PARD3B: variants seen among roughly 807,000 people sequenced by gnomAD.
The protein encoded by PARD3B is par-3 family cell polarity regulator beta, also known as partitioning defective 3 homolog B.
A neutral mutation model predicts 130.2 loss-of-function variants in PARD3B; 103 were observed. The observed-to-expected ratio is 0.79, with a 90% CI of 0.67 to 0.93. The LOEUF is 0.93. Ranked by LOEUF, PARD3B falls within the 40% of genes least tolerant of loss-of-function variation. PARD3B has a pLI of 0.00. For synonymous variants in PARD3B, 583 were observed against 553.2 expected, an observed-to-expected ratio of 1.05 and a Z score of -0.76; for missense variants, 1,609 against 1,499.2, an observed-to-expected ratio of 1.07 and a Z score of -1.21.
At position 205,392,634 on chromosome 2, in the gene PARD3B, T is replaced by C. The variant is rs115971557; in HGVS notation, c.2631-8379T>C. 9.5e-3 allele frequency among the ~76,000 whole-genome samples: 1,454 copies of C among 152,314 alleles called. 26 individuals carry two copies. The highest frequency in any genetic ancestry group is 0.032 in the African/African-American group (1,349 of 41,558). On this transcript the variant is annotated intron_variant, in intron 18 of 22. Transcript: ENST00000406610. ...AGGAAGATTTTTAATATTGAGTTTG[T>C]CGTTCGTTATTAAAGCATCAACTCA... is the stretch of plus-strand genomic sequence containing the variant.
intron 1 of PARD3B, among the ~76,000 whole-genome samples, chr2:204,641,529 A>C (rs2035076549): frequency 6.6e-6 from 1 of 152,174 alleles, no homozygotes; most frequent in African/African-American, 2.4e-5. Context: ...TGTTGTAAAT[A>C]AAAACTGGAA....
At chr2:205,029,815 G>T (rs1181658316) in intron 3 of PARD3B, among the ~76,000 whole-genome samples, 2 of 152,106 alleles carry the variant, frequency 1.3e-5, no homozygotes, top group Admixed American at 1.3e-4. Flanking sequence ...AAACAGAAGG[G>T]CTGTGGAAGT....
chr2:205,034,888 G>C (rs2125372113), intron 3 of PARD3B, among the ~76,000 whole-genome samples: 1 of 151,958 alleles, frequency 6.6e-6, no homozygotes, highest in South Asian at 2.1e-4. Context: ...ATGAAATCTT[G>C]CTCTGTCACC....
At chr2:205,115,630 G>T (rs559986220) in intron 6 of PARD3B, among the ~76,000 whole-genome samples, 1 of 152,154 alleles carries the variant, frequency 6.6e-6, no homozygotes, top group Admixed American at 6.5e-5. Flanking sequence ...CATTAAAAAT[G>T]CTATGGAAGT....
intron 2 of PARD3B, among the ~76,000 whole-genome samples, chr2:204,846,652 G>T (rs2044473005): frequency 6.7e-6 from 1 of 150,270 alleles, no homozygotes; most frequent in South Asian, 2.1e-4. Flanking sequence ...AGCTATGTGT[G>T]TACAAGTACA....
intron 15 of PARD3B, among the ~76,000 whole-genome samples, chr2:205,196,523 G>T (rs10804146): frequency 6.6e-6 from 1 of 151,766 alleles, no homozygotes; most frequent in African/African-American, 2.4e-5. Context: ...CATAAAAAAG[G>T]TTTCAGTCTT....
chr2:205,025,656 T>C (rs1202087639), intron 3 of PARD3B, among the ~76,000 whole-genome samples: 1 of 152,122 alleles, frequency 6.6e-6, no homozygotes, highest in Admixed American at 6.6e-5. Flanking sequence ...TCTGTTTTTC[T>C]GTATACGTGG....
chr2:205,153,772 C>T (rs900816136), intron 10 of PARD3B, among the ~76,000 whole-genome samples: 5 of 152,050 alleles, frequency 3.3e-5, no homozygotes, highest in Non-Finnish European at 7.4e-5. Flanking sequence ...CTTCAACAAA[C>T]CTGACAAAAA....
chr2:204,857,741 C>T (rs1056284782), intron 2 of PARD3B, among the ~76,000 whole-genome samples: 1 of 152,114 alleles, frequency 6.6e-6, no homozygotes, highest in Non-Finnish European at 1.5e-5. Context: ...AGGAAGAACA[C>T]TTCTGGGGAG....
chr2:204,847,870 T>C (rs1040979546), intron 2 of PARD3B, among the ~76,000 whole-genome samples: 3 of 152,204 alleles, frequency 2.0e-5, no homozygotes, highest in African/African-American at 7.2e-5. Flanking sequence ...GTTGCTAAGA[T>C]CTGTCACAAG....
At chr2:204,918,508 T>G (rs1455097467) in intron 2 of PARD3B, among the ~76,000 whole-genome samples, 2 of 150,628 alleles carry the variant, frequency 1.3e-5, no homozygotes, top group South Asian at 4.2e-4. Context: ...CGGGCGCCTG[T>G]AGTCCCAGCT....
chr2:205,469,159 G>A (rs142758652), intron 20 of PARD3B, among the ~76,000 whole-genome samples: 106 of 152,052 alleles, frequency 7.0e-4, no homozygotes, highest in Middle Eastern at 3.4e-3. Context: ...TTTCAATCCT[G>A]GCATAGTTCC....
chr2:205,256,999 A>G (rs530088941), intron 16 of PARD3B, among the ~76,000 whole-genome samples: 2 of 152,266 alleles, frequency 1.3e-5, no homozygotes, highest in East Asian at 3.9e-4. Context: ...GAGGGCAAAA[A>G]CTTAGTCCTA....
chr2:205,065,336 G>A (rs930393812), intron 4 of PARD3B, among the ~76,000 whole-genome samples: 1 of 152,210 alleles, frequency 6.6e-6, no homozygotes, highest in Non-Finnish European at 1.5e-5. Flanking sequence ...CAGAAACAAA[G>A]TGAGACATTC....
At chr2:204,663,479 A>G (rs1037519981) in intron 1 of PARD3B, among the ~76,000 whole-genome samples, 3 of 152,254 alleles carry the variant, frequency 2.0e-5, no homozygotes, top group Non-Finnish European at 4.4e-5. Context: ...ACTGATTTTT[A>G]CCAGATAAAG....
Position 205,091,658 on chromosome 2 carries a change from T to C in PARD3B, c.505-12768T>C, listed in dbSNP as rs1702119819. Among the ~76,000 whole-genome samples, 1 of 152,202 alleles carries C rather than the reference T, an allele frequency of 6.6e-6. No homozygotes were observed. ...ATTAGCAGCTACATATCAGTTCTTA[T>C]CTTACACTTGGAATGGGGGTGAGGT... On this transcript the variant is annotated intron_variant, in intron 4 of 22. Coordinates refer to ENST00000406610, the MANE Select transcript of PARD3B (RefSeq NM_001302769.2). The surrounding 1 kb of genome is among the most constrained non-coding windows in gnomAD (Gnocchi z 4.2).
chr2:204,637,636 T>G (rs747213628), intron 1 of PARD3B, among the ~76,000 whole-genome samples: 1 of 152,180 alleles, frequency 6.6e-6, no homozygotes. Context: ...AGTAACAGTA[T>G]TTTTAGTATT....
At chr2:204,740,204 A>G (rs2125360904) in intron 2 of PARD3B, among the ~76,000 whole-genome samples, 1 of 151,186 alleles carries the variant, frequency 6.6e-6, no homozygotes, top group African/African-American at 2.4e-5. Context: ...AGTTTTTAGT[A>G]GAGACAGGGT....
chr2:204,674,312 C>G (rs1268245914), intron 1 of PARD3B, among the ~76,000 whole-genome samples: 3 of 152,178 alleles, frequency 2.0e-5, no homozygotes, highest in African/African-American at 7.2e-5. Context: ...TTGAGGTTAG[C>G]TCTTCCTGCT....
Sources: gnomAD v4.1 joint callset for allele counts (sites outside exome capture counted in the v4.1 genomes callset) on GRCh38, gnomAD v4.1.1 for gene constraint, Gnocchi (gnomAD v3.1) non-coding constraint, MANE v1.5 for transcripts, NCBI Gene and HGNC (gene_info 2026-07-23, HGNC 2026-07-21) for gene names.